The following MAST4 variants were observed in gnomAD, a reference collection of about 807,000 sequenced individuals.
The protein encoded by MAST4 is microtubule associated serine/threonine kinase family member 4.
MAST4 carries 89 observed loss-of-function variants against 162.7 expected under a neutral mutation model. That is an observed-to-expected ratio of 0.55 (90% CI 0.46 to 0.65). The LOEUF is 0.65. MAST4 is among the 30% of genes least tolerant of loss of function. The pLI is 0.00. For synonymous variants in MAST4, 1,479 were observed against 1,361.1 expected, an observed-to-expected ratio of 1.09 and a Z score of -1.91; for missense variants, 3,153 against 3,374.0, an observed-to-expected ratio of 0.93 and a Z score of 1.62.
At chr5:66,708,231 C>T (rs1031911298) in intron 1 of MAST4, among the ~76,000 whole-genome samples, 3 of 152,056 alleles carry the variant, frequency 2.0e-5, no homozygotes, top group African/African-American at 7.2e-5. Context: ...AGATGAGGTT[C>T]GTGCCTTAGC....
intron 4 of MAST4, among the ~76,000 whole-genome samples, chr5:66,929,896 G>A (rs542381259): frequency 1.5e-4 from 23 of 152,282 alleles, no homozygotes; most frequent in African/African-American, 5.5e-4. Context: ...AACCACCCCT[G>A]CTTCTGAACT....
At chr5:66,773,722 T>C (rs572774703) in intron 2 of MAST4, among the ~76,000 whole-genome samples, 2 of 152,328 alleles carry the variant, frequency 1.3e-5, no homozygotes, top group South Asian at 4.1e-4. Flanking sequence ...CCTTCTGCCA[T>C]GCAAGGATGC....
chr5:67,148,585 A>G (rs550390740), intron 23 of MAST4, among the ~76,000 whole-genome samples: 1 of 152,320 alleles, frequency 6.6e-6, no homozygotes, highest in Admixed American at 6.5e-5. Context: ...AAATAACTCC[A>G]GTTTATATTA....
intron 4 of MAST4, among the ~76,000 whole-genome samples, chr5:66,956,527 A>G (rs1745336984): frequency 6.6e-6 from 1 of 152,256 alleles, no homozygotes; most frequent in South Asian, 2.1e-4. Flanking sequence ...TGATTTCCCC[A>G]TCTGTGAGGT....
Position 66,759,933 on chromosome 5 carries a change from C to T in MAST4, c.517+71C>T. On this transcript the variant is annotated intron_variant, in intron 2 of 28. Transcript: ENST00000403625. ...CAAGGTCCTGCATGGCCCCAGAGTTCCACATGTAATCAGCTTTCTTAAGAA... is the reference window on the plus strand; with the variant it reads ...CAAGGTCCTGCATGGCCCCAGAGTTTCACATGTAATCAGCTTTCTTAAGAA... 6.5e-6 allele frequency: 10 copies of T among 1,529,444 alleles called. No homozygotes were observed. The South Asian group carries it at 1.3e-4, about 19-fold the overall frequency. The allele number at this position is 1,529,444 out of a possible 1,614,324, so 94.7% of individuals were successfully genotyped here.
intron 4 of MAST4, among the ~76,000 whole-genome samples, chr5:66,997,954 C>T (rs1183513679): frequency 3.3e-5 from 5 of 152,152 alleles, no homozygotes; most frequent in South Asian, 2.1e-4. Context: ...AAGGAAATTC[C>T]GATTGTTACA....
intron 4 of MAST4, among the ~76,000 whole-genome samples, chr5:66,927,340 A>T (rs899135754): frequency 4.6e-5 from 7 of 152,164 alleles, no homozygotes; most frequent in African/African-American, 1.7e-4. Flanking sequence ...TGTTTCACTC[A>T]GTTGGTTTCT....
At chr5:67,144,637 A>C (rs772838627) in intron 21 of MAST4, 32 bp from the exon 22 acceptor site, 238 of 1,607,076 alleles carry the variant, frequency 1.5e-4, no homozygotes, top group Non-Finnish European at 2.0e-4. Flanking sequence ...TTTTTAGTAG[A>C]TATTAATAAG....
At chr5:66,942,851 G>GCACCCA (rs1430510692) in intron 4 of MAST4, among the ~76,000 whole-genome samples, 48 of 152,170 alleles carry the variant, frequency 3.2e-4, no homozygotes, top group East Asian at 1.7e-3. Context: ...TAAGCTGGGT[G>GCACCCA]GCTTATAAAC....
At chr5:66,778,392 T>C (rs1178510341) in intron 2 of MAST4, among the ~76,000 whole-genome samples, 2 of 152,202 alleles carry the variant, frequency 1.3e-5, no homozygotes, top group African/African-American at 4.8e-5. Flanking sequence ...GAGAATTTGC[T>C]GGGTGTTGGT....
chr5:67,017,605 C>CTTTTTT (rs34059850), intron 4 of MAST4, among the ~76,000 whole-genome samples: 4 of 135,030 alleles, frequency 3.0e-5, no homozygotes, highest in African/African-American at 5.5e-5. Context: ...TTTTTCTTTT[C>CTTTTTT]TTTTTTTTTT....
At chr5:66,604,376 C>G (rs1269027629) in intron 1 of MAST4, among the ~76,000 whole-genome samples, 1 of 152,200 alleles carries the variant, frequency 6.6e-6, no homozygotes, top group Non-Finnish European at 1.5e-5. Context: ...ATACTTACCT[C>G]CACTGAACCT....
At chr5:66,845,226 G>A (rs780501993) in intron 3 of MAST4, among the ~76,000 whole-genome samples, 17 of 145,824 alleles carry the variant, frequency 1.2e-4, no homozygotes, top group South Asian at 2.2e-4. Context: ...CCATTAACTC[G>A]TCATTTACAT....
intron 4 of MAST4, among the ~76,000 whole-genome samples, chr5:67,038,772 A>T (rs1442960002): frequency 6.6e-6 from 1 of 152,176 alleles, no homozygotes; most frequent in African/African-American, 2.4e-5. Flanking sequence ...TATTATTTGA[A>T]ATACATAGCA....
At chr5:67,062,396 C>CA (rs928520402) in intron 5 of MAST4, among the ~76,000 whole-genome samples, 94 of 143,966 alleles carry the variant, frequency 6.5e-4, no homozygotes, top group Middle Eastern at 3.6e-3. Flanking sequence ...AGATGGTCCC[C>CA]AAAAAAAAAA....
chr5:66,768,395 G>A (rs1410853853), intron 2 of MAST4, among the ~76,000 whole-genome samples: 3 of 152,150 alleles, frequency 2.0e-5, no homozygotes, highest in African/African-American at 7.2e-5. Flanking sequence ...GGAAGGAGGA[G>A]AAAACAGATG....
At chr5:66,855,860 C>T (rs1167021252) in intron 3 of MAST4, among the ~76,000 whole-genome samples, 1 of 152,114 alleles carries the variant, frequency 6.6e-6, no homozygotes, top group Non-Finnish European at 1.5e-5. Context: ...AAAAGTGTGT[C>T]TGTTTGAGAT....
Position 66,872,708 on chromosome 5 carries a change from CAT to C in MAST4, c.643-27242_643-27241del, listed in dbSNP as rs768523736. ...TAAGTCATATGGTTTCATCATGTAA[CAT>C]GTGAATTTTGCTAATGTAGAGCACA... On this transcript the variant is annotated intron_variant, in intron 3 of 28. Transcript: ENST00000403625. Among the ~76,000 whole-genome samples, 198 of 152,266 alleles carry C rather than the reference CAT, an allele frequency of 1.3e-3. 1 individual carries two copies. Among genetic ancestry groups the C allele is most frequent in the African/African-American group, 4.5e-3 (188 of 41,552 alleles).
At chr5:67,063,334 A>G (rs2150607445) in intron 5 of MAST4, among the ~76,000 whole-genome samples, 1 of 152,334 alleles carries the variant, frequency 6.6e-6, no homozygotes, top group Non-Finnish European at 1.5e-5. Context: ...TCGGGTGTAT[A>G]TACCAACATC....
Sources: gnomAD v4.1 joint callset for allele counts (sites outside exome capture counted in the v4.1 genomes callset) on GRCh38, gnomAD v4.1.1 for gene constraint, MANE v1.5 for transcripts, NCBI Gene and HGNC (gene_info 2026-07-23, HGNC 2026-07-21) for gene names.